The following PACRG variants were observed in gnomAD, a reference collection of about 807,000 sequenced individuals.
PACRG encodes the protein parkin coregulated gene protein.
Under a neutral mutation model 29.7 loss-of-function variants are expected in PACRG, and 29 were observed. The ratio of observed to expected loss-of-function variants is 0.98; its 90% CI spans 0.73 to 1.33. The LOEUF is 1.33. Ranked by LOEUF, PACRG falls within the 40% of genes most tolerant of loss-of-function variation. PACRG has a pLI of 0.00. For missense variants in PACRG, 279 were observed against 316.2 expected, an observed-to-expected ratio of 0.88 and a Z score of 0.89; for synonymous variants, 116 against 118.7, an observed-to-expected ratio of 0.98 and a Z score of 0.15.
chr6:162,746,470 G>A, intron 1 of PACRG, among the ~76,000 whole-genome samples: 1 of 152,108 alleles, frequency 6.6e-6, no homozygotes, highest in East Asian at 1.9e-4. Flanking sequence ...CGGTAATGAT[G>A]GATGCCTCTG....
At chr6:162,857,886 G>T (rs1318716718) in intron 2 of PACRG, among the ~76,000 whole-genome samples, 2 of 151,630 alleles carry the variant, frequency 1.3e-5, no homozygotes, top group Non-Finnish European at 1.5e-5. Context: ...TCTTAATTCT[G>T]CCAATCATGT....
intron 2 of PACRG, among the ~76,000 whole-genome samples, chr6:163,000,291 C>T (rs906209555): frequency 2.0e-5 from 3 of 152,146 alleles, no homozygotes; most frequent in Non-Finnish European, 2.9e-5. Context: ...GCAGGGTACT[C>T]GGAGGGTCAA....
chr6:162,847,965 G>A (rs73019513), intron 2 of PACRG, among the ~76,000 whole-genome samples: 7,001 of 152,276 alleles, frequency 0.046, 229 homozygotes, highest in Non-Finnish European at 0.073. Flanking sequence ...CAGGAATAGG[G>A]AAGAGAAATT....
chr6:162,882,266 T>C, intron 2 of PACRG, among the ~76,000 whole-genome samples: 1 of 142,068 alleles, frequency 7.0e-6, no homozygotes, highest in East Asian at 2.2e-4. Context: ...GGGGGCTCTC[T>C]CCACCAAGGT....
At chr6:163,195,650 G>T (rs1342699241) in intron 4 of PACRG, among the ~76,000 whole-genome samples, 1 of 152,184 alleles carries the variant, frequency 6.6e-6, no homozygotes, top group Non-Finnish European at 1.5e-5. Flanking sequence ...CCTGCGCCTC[G>T]GCGGCTGAGG....
rs1435873033 is a variant in PACRG at position 163,269,821 on chromosome 6, GAGAAAGAAAGAAAGAAAA to G, written c.614-44988_614-44971del. On this transcript the variant is annotated intron_variant, in intron 4 of 4. Transcript: ENST00000366888. Reference sequence around the variant, plus strand: ...GGAAGGAAGGAAGGAAGGAAGGAAGGAGAAAGAAAGAAAGAAAAAGAAAGAAAGAAAGAAAGAGAAAGA... The same window carrying G: ...GGAAGGAAGGAAGGAAGGAAGGAAGGAGAAAGAAAGAAAGAAAGAGAAAGA... Among the ~76,000 whole-genome samples, 25 of 45,312 alleles carry G rather than the reference GAGAAAGAAAGAAAGAAAA, an allele frequency of 5.5e-4. 1 individual carries two copies. The highest frequency in any genetic ancestry group is 4.0e-3 in the South Asian group (6 of 1,492). The allele number at this position is 45,312 out of a possible 152,430, so 29.7% of individuals were successfully genotyped here.
At chr6:162,927,233 A>G (rs1797511264) in intron 2 of PACRG, among the ~76,000 whole-genome samples, 1 of 152,200 alleles carries the variant, frequency 6.6e-6, no homozygotes. Flanking sequence ...CTATTGTGGA[A>G]GACAGTGTGG....
Position 162,877,515 on chromosome 6 carries a change from C to T in PACRG, c.291+63234C>T, listed in dbSNP as rs1169943231. Among the ~76,000 whole-genome samples, 4 of 151,366 alleles carry T rather than the reference C, an allele frequency of 2.6e-5. 1 individual carries two copies. Among genetic ancestry groups the T allele is most frequent in the South Asian group, 4.2e-4 (2 of 4,784 alleles). ...TGGGTTGATGGGTGCAGCAAACCAC[C>T]ATGACACATGTATACCTATGTAACA... On this transcript the variant is annotated intron_variant, in intron 2 of 4. Coordinates refer to ENST00000366888, the MANE Select transcript of PACRG (RefSeq NM_001080379.2).
chr6:163,120,216 C>T (rs1816203348), intron 4 of PACRG, among the ~76,000 whole-genome samples: 1 of 152,126 alleles, frequency 6.6e-6, no homozygotes, highest in Admixed American at 6.6e-5. Flanking sequence ...TAGTATTCAA[C>T]TGTTTTTGAA....
chr6:162,928,290 A>G (rs1797600172), intron 2 of PACRG, among the ~76,000 whole-genome samples: 2 of 151,956 alleles, frequency 1.3e-5, no homozygotes, highest in South Asian at 2.1e-4. Context: ...AGGTGTTCCA[A>G]TTTGTTGGCA....
intron 1 of PACRG, among the ~76,000 whole-genome samples, chr6:162,743,312 T>C (rs547892776): frequency 2.6e-5 from 4 of 152,330 alleles, no homozygotes; most frequent in South Asian, 4.1e-4. Context: ...AAAATTCTTA[T>C]GTAGAGTCTT....
intron 4 of PACRG, among the ~76,000 whole-genome samples, chr6:163,185,456 G>C (rs1371662004): frequency 1.3e-5 from 2 of 152,076 alleles, no homozygotes; most frequent in East Asian, 3.8e-4. Context: ...AAATTAACAG[G>C]ACTTAAAGAT....
At chr6:162,818,178 C>T (rs186308352) in intron 2 of PACRG, among the ~76,000 whole-genome samples, 60 of 152,218 alleles carry the variant, frequency 3.9e-4, no homozygotes, top group South Asian at 1.7e-3. Context: ...TTGGGAAATA[C>T]GACTGTTGAT....
At chr6:162,819,028 C>T (rs183819625) in intron 2 of PACRG, among the ~76,000 whole-genome samples, 18 of 152,280 alleles carry the variant, frequency 1.2e-4, no homozygotes, top group African/African-American at 4.1e-4. Flanking sequence ...AACCCACACC[C>T]GGCAATGTCA....
intron 2 of PACRG, among the ~76,000 whole-genome samples, chr6:162,966,746 G>A (rs182174991): frequency 0.015 from 2,266 of 152,192 alleles, 44 homozygotes; most frequent in Admixed American, 0.049. Context: ...AAAGTGCTGG[G>A]ATTACAGGCG....
intron 2 of PACRG, among the ~76,000 whole-genome samples, chr6:162,826,485 T>C (rs7450983): frequency 1.9e-3 from 284 of 149,758 alleles, no homozygotes; most frequent in African/African-American, 6.8e-3. Context: ...TTTTTTGAGA[T>C]GGAGTTTCAC....
chr6:162,952,919 A>T (rs1007084500), intron 2 of PACRG, among the ~76,000 whole-genome samples: 1 of 152,104 alleles, frequency 6.6e-6, no homozygotes, highest in Admixed American at 6.5e-5. Flanking sequence ...AAATATGTGA[A>T]TTTTTCTTGC....
At chr6:162,983,780 T>A (rs991315161) in intron 2 of PACRG, among the ~76,000 whole-genome samples, 1 of 152,028 alleles carries the variant, frequency 6.6e-6, no homozygotes, top group Non-Finnish European at 1.5e-5. Context: ...GATGACTGTG[T>A]ACCTAGGTGA....
intron 4 of PACRG, chr6:163,312,727 T>G (rs1785476268): frequency 5.0e-6 from 2 of 403,896 alleles, no homozygotes; most frequent in South Asian, 3.6e-5. Flanking sequence ...AAATCTTATC[T>G]CTTGTTTATC....
Sources: allele counts gnomAD v4.1 joint callset (sites outside exome capture counted in the v4.1 genomes callset), GRCh38; gene constraint gnomAD v4.1.1; transcripts MANE v1.5; gene names NCBI Gene and HGNC (gene_info 2026-07-23, HGNC 2026-07-21).